Variants in GRAMD1B observed in about 807,000 individuals in gnomAD.
GRAMD1B encodes the protein GRAM domain containing 1B.
Under a neutral mutation model 99.7 loss-of-function variants are expected in GRAMD1B, and 37 were observed. That is an observed-to-expected ratio of 0.37 (90% CI 0.29 to 0.49). GRAMD1B has a LOEUF of 0.49. Ranked by LOEUF, GRAMD1B falls within the 20% of genes least tolerant of loss-of-function variation. The pLI is 0.98. For synonymous variants in GRAMD1B, 427 were observed against 387.6 expected, an observed-to-expected ratio of 1.10 and a Z score of -1.19; for missense variants, 888 against 1,009.2, an observed-to-expected ratio of 0.88 and a Z score of 1.63.
At chr11:123,486,546 T>G (rs1591677630) in intron 2 of GRAMD1B, among the ~76,000 whole-genome samples, 1 of 91,552 alleles carries the variant, frequency 1.1e-5, no homozygotes, top group South Asian at 3.2e-4. Flanking sequence ...AGACCCTGTC[T>G]CAAAAAAGAA....
At chr11:123,399,938 C>G (rs1414103731) in intron 1 of GRAMD1B, among the ~76,000 whole-genome samples, 1 of 152,112 alleles carries the variant, frequency 6.6e-6, no homozygotes, top group Non-Finnish European at 1.5e-5. Context: ...CAATAGCATC[C>G]TAACTTGTGT....
chr11:123,368,022 T>C (rs187360135), intron 1 of GRAMD1B, among the ~76,000 whole-genome samples: 151 of 151,596 alleles, frequency 1.0e-3, no homozygotes, highest in Non-Finnish European at 1.7e-3. Flanking sequence ...TTGGGAGGCC[T>C]AGGCAGGTGG....
At chr11:123,383,866 AT>A (rs1232356010) in intron 1 of GRAMD1B, among the ~76,000 whole-genome samples, 1 of 150,294 alleles carries the variant, frequency 6.7e-6, no homozygotes. Flanking sequence ...CTTTATTTTT[AT>A]TTTTATTTAT....
chr11:123,410,129 G>A (rs1947989982), intron 1 of GRAMD1B, among the ~76,000 whole-genome samples: 1 of 151,988 alleles, frequency 6.6e-6, no homozygotes, highest in Non-Finnish European at 1.5e-5. Flanking sequence ...ATGATTATGA[G>A]GTCAGGGACC....
At chr11:123,542,866 C>A (rs978234656) in intron 2 of GRAMD1B, among the ~76,000 whole-genome samples, 1 of 152,144 alleles carries the variant, frequency 6.6e-6, no homozygotes, top group Non-Finnish European at 1.5e-5. Context: ...GTTGCCCAGG[C>A]TGGTCTTGAA....
At chr11:123,457,117 A>AGAAAGAAAGAAAGAAAGAAAGAGAG in intron 1 of GRAMD1B, among the ~76,000 whole-genome samples, 15 of 99,490 alleles carry the variant, frequency 1.5e-4, no homozygotes, top group Non-Finnish European at 2.4e-4. Context: ...TTCTGAGAAA[A>AGAAAGAAAGAAAGAAAGAAAGAGAG]AAAGAAAGAA....
At chr11:123,397,422 A>G (rs1330582605) in intron 1 of GRAMD1B, among the ~76,000 whole-genome samples, 1 of 151,938 alleles carries the variant, frequency 6.6e-6, no homozygotes, top group Non-Finnish European at 1.5e-5. Context: ...ACAAAACAAA[A>G]CAAAACAAAA....
intron 1 of GRAMD1B, among the ~76,000 whole-genome samples, chr11:123,397,699 G>A (rs563858687): frequency 9.5e-4 from 144 of 152,238 alleles, no homozygotes; most frequent in Admixed American, 3.7e-3. Context: ...TGTAGAGACA[G>A]AGTCTTGCTA....
chr11:123,550,082 T>C (rs1440130439), intron 2 of GRAMD1B, among the ~76,000 whole-genome samples: 1 of 152,112 alleles, frequency 6.6e-6, no homozygotes, highest in East Asian at 1.9e-4. Flanking sequence ...CTCCGTGCCA[T>C]CCTATGGAAA....
At chr11:123,594,608 C>T (rs1359387890) in intron 5 of GRAMD1B, 127 bp from the exon 6 acceptor site, 4 of 645,644 alleles carry the variant, frequency 6.2e-6, no homozygotes, top group Non-Finnish European at 1.1e-5. Flanking sequence ...AAGTGTCTGG[C>T]ACCCCTTGTC....
At chr11:123,458,976 T>C (rs1950287272) in intron 1 of GRAMD1B, 1 of 152,194 alleles carries the variant, frequency 6.6e-6, no homozygotes, top group Non-Finnish European at 1.5e-5. Context: ...TAATGCTTAA[T>C]GCACACCGTA....
chr11:123,367,392 G>A (rs1946354577), intron 1 of GRAMD1B, among the ~76,000 whole-genome samples: 1 of 152,220 alleles, frequency 6.6e-6, no homozygotes, highest in Non-Finnish European at 1.5e-5. Context: ...CCAGAGCAGT[G>A]AGCAGAACAG....
chr11:123,592,296 G>A (rs1338657147), intron 4 of GRAMD1B, among the ~76,000 whole-genome samples: 2 of 152,192 alleles, frequency 1.3e-5, no homozygotes, highest in Admixed American at 1.3e-4. Flanking sequence ...AGGAGGACCA[G>A]GAGCAGTTAC....
At chr11:123,593,097 T>G (rs1457691001) in intron 4 of GRAMD1B, among the ~76,000 whole-genome samples, 1 of 151,586 alleles carries the variant, frequency 6.6e-6, no homozygotes, top group Non-Finnish European at 1.5e-5. Context: ...CCGGGAGAGG[T>G]GGCACATACC....
chr11:123,384,489 T>C (rs988114113), intron 1 of GRAMD1B, among the ~76,000 whole-genome samples: 11 of 152,350 alleles, frequency 7.2e-5, no homozygotes, highest in African/African-American at 2.6e-4. Flanking sequence ...TAGTCACTTA[T>C]GTTTTCTTTC....
At chr11:123,513,338 G>C (rs1941229154) in intron 2 of GRAMD1B, among the ~76,000 whole-genome samples, 1 of 151,862 alleles carries the variant, frequency 6.6e-6, no homozygotes, top group African/African-American at 2.4e-5. Context: ...CTGGAGTCTG[G>C]ATTTTGAGGT....
intron 1 of GRAMD1B, among the ~76,000 whole-genome samples, chr11:123,416,206 C>A (rs1948227977): frequency 6.6e-6 from 1 of 152,130 alleles, no homozygotes; most frequent in Non-Finnish European, 1.5e-5. Context: ...CCAGTTGCTT[C>A]TCCTGTAATG....
intron 2 of GRAMD1B, among the ~76,000 whole-genome samples, chr11:123,484,007 C>T (rs1313701749): frequency 6.6e-6 from 1 of 152,146 alleles, no homozygotes; most frequent in African/African-American, 2.4e-5. Context: ...TAATCAGGTA[C>T]GATCTGATCT....
intron 3 of GRAMD1B, chr11:123,578,470 A>T (rs1948976292): frequency 6.9e-7 from 1 of 1,441,628 alleles, no homozygotes; most frequent in South Asian, 1.2e-5. Context: ...TCTCCCCTCT[A>T]GTGTCGATCT....
Sources: gnomAD v4.1 joint callset for allele counts (sites outside exome capture counted in the v4.1 genomes callset) on GRCh38, gnomAD v4.1.1 for gene constraint, MANE v1.5 for transcripts, NCBI Gene and HGNC (gene_info 2026-07-23, HGNC 2026-07-21) for gene names.